The following LONRF3 variants were observed in gnomAD, a reference collection of about 807,000 sequenced individuals.
The protein encoded by LONRF3 is LON peptidase N-terminal domain and RING finger protein 3.
A neutral mutation model predicts 51.7 loss-of-function variants in LONRF3; 19 were observed. The observed-to-expected ratio is 0.37, with a 90% CI of 0.26 to 0.54. The LOEUF (loss-of-function observed/expected upper bound fraction) is 0.54. LONRF3 is among the 20% of genes least tolerant of loss of function. LONRF3 has a pLI of 0.86. For synonymous variants in LONRF3, 265 were observed against 257.8 expected (o/e 1.03, Z -0.27); for missense variants, 521 against 623.9 (o/e 0.84, Z 1.76).
intron 10 of LONRF3, among the ~76,000 whole-genome samples, chrX:119,015,926 C>A (rs1334971277): frequency 1.8e-5 from 2 of 112,289 alleles, no homozygotes; most frequent in Non-Finnish European, 3.8e-5. Context: ...TTAATACCAG[C>A]TTAAATATCT....
rs1921871085 is a variant in LONRF3, at chrX:118,975,014, G to A, written c.234G>A (p.Ala78=). ...TGCTCACGCAGGCAGACGCCTTGGC[G>A]TCCCGGGGGCGAATCCGTGAAGCCC... The part of the protein sequence containing the change: ...KVLLTQADAL[A]SRGRIREALE... Residue 78 remains alanine, a synonymous_variant, in exon 1 of 11, where the codon GCG becomes GCA. Coordinates refer to ENST00000371628, the MANE Select transcript of LONRF3 (RefSeq NM_001031855.3). 1 of 1,172,597 alleles carries A rather than the reference G, an allele frequency of 8.5e-7. No homozygotes were observed. The highest frequency in any genetic ancestry group is 3.2e-5 in the East Asian group (1 of 31,164).
intron 2 of LONRF3, among the ~76,000 whole-genome samples, chrX:118,981,227 G>A (rs964926934): frequency 1.8e-5 from 2 of 110,642 alleles, no homozygotes; most frequent in Admixed American, 9.6e-5. Flanking sequence ...GCTTACTCCT[G>A]TAATCCCAGC....
intron 5 of LONRF3, among the ~76,000 whole-genome samples, chrX:118,998,690 T>A (rs968937139): frequency 1.2e-4 from 13 of 112,782 alleles, no homozygotes; most frequent in Non-Finnish European, 1.9e-4. Flanking sequence ...ATTTCATTTT[T>A]AAAAATAAAG....
At chrX:119,006,273 T>C in intron 6 of LONRF3, 38 bp downstream of exon 6, 1 of 995,293 alleles carries the variant, frequency 1.0e-6, no homozygotes, top group Non-Finnish European at 1.4e-6. Flanking sequence ...TTTAAATCAG[T>C]ATTTCTTTCT....
rs373593893 is a variant in LONRF3, at chrX:119,012,015, A to G, written c.1811+42A>G. The G allele has an allele frequency of 5.1e-5, 61 of 1,192,276 alleles. No individual in the cohort carries two copies. The African/African-American group carries it at 9.5e-4, about 19-fold the overall frequency. On this transcript the variant is annotated intron_variant, in intron 8 of 10. Coordinates refer to ENST00000371628, the MANE Select transcript of LONRF3 (RefSeq NM_001031855.3). ...GCGAGCAAAGGGAGGTTGTGTAATG[A>G]GGGATTTCTGTTTTACTTTGGGGTA...
intron 1 of LONRF3, among the ~76,000 whole-genome samples, chrX:118,977,210 A>G (rs1262625672): frequency 9.0e-6 from 1 of 110,845 alleles, no homozygotes; most frequent in African/African-American, 3.3e-5. Context: ...AGAGGAAGCT[A>G]GATCCCAGAT....
In LONRF3 at chrX:118,990,503, TCA is replaced by T; in HGVS notation, c.1359_1360del (p.Ser454PhefsTer10). ...ACTGATCAGGGGGACAAACCTGCTCTCAGTTTACCACTTGCATCTTTCGACGC... is the reference window on the plus strand; with the variant it reads ...ACTGATCAGGGGGACAAACCTGCTCTGTTTACCACTTGCATCTTTCGACGC... On this transcript the variant is annotated frameshift_variant, in exon 5 of 11. Transcript: ENST00000371628. LOFTEE classifies it high-confidence loss of function. The T allele has an allele frequency of 8.3e-7, 1 of 1,211,489 alleles. No homozygotes were observed. The highest frequency in any genetic ancestry group is 1.1e-6 in the Non-Finnish European group (1 of 894,991).
intron 1 of LONRF3, among the ~76,000 whole-genome samples, chrX:118,976,060 C>T (rs771147133): frequency 1.8e-5 from 2 of 113,029 alleles, no homozygotes; most frequent in East Asian, 5.7e-4. Context: ...GAACTTCGCG[C>T]GCTCCTCGCA....
At position 118,989,504 on chromosome X, in the gene LONRF3, G is replaced by T. The variant is rs1049817568; in HGVS notation, c.1156G>T (p.Gly386Cys). 9.1e-6 allele frequency: 11 copies of T among 1,211,588 alleles called. No individual in the cohort carries two copies. Among genetic ancestry groups the T allele is most frequent in the Non-Finnish European group, 1.0e-5 (9 of 895,459 alleles). ...GGACCCAGCTAAAGTGAAGGGGGAT[G>T]GTCAGCAGCACCACATGAAAGACCA... ...LMDPAKVKGD[G>C]QQHHMKDQEE... Residue 386 changes from glycine (G) to cysteine (C), a missense_variant, in exon 4 of 11, where the codon GGT becomes TGT. Transcript: ENST00000371628.
intron 8 of LONRF3, chrX:119,012,801 A>T: frequency 2.5e-6 from 2 of 812,027 alleles, no homozygotes; most frequent in Non-Finnish European, 1.7e-6. Flanking sequence ...AAACCATAGC[A>T]CTGGCACAGC....
At chrX:118,996,616 C>T (rs1310561475) in intron 5 of LONRF3, among the ~76,000 whole-genome samples, 1 of 111,186 alleles carries the variant, frequency 9.0e-6, no homozygotes, top group Admixed American at 9.5e-5. Context: ...GTCAAAAGAC[C>T]TCTACAAGAA....
chrX:118,987,112 C>T lies in LONRF3; in HGVS notation c.1060-2296C>T, dbSNP rs542637607. On this transcript the variant is annotated intron_variant, in intron 3 of 10. Transcript: ENST00000371628. ...CTCAACTCACCCAGCTCGCTCGTGA[C>T]GCTTCGTTTGGCTGTTTTGTGGGCA... The T allele has an allele frequency of 7.1e-5, 80 of 1,121,645 alleles. No individual in the cohort carries two copies. In the Middle Eastern group the frequency reaches 9.5e-4, roughly 13 times the overall value. The allele number at this position is 1,121,645 out of a possible 1,213,427, so 92.4% of individuals were successfully genotyped here.
At chrX:118,977,110 T>G (rs1217960605) in intron 1 of LONRF3, among the ~76,000 whole-genome samples, 2 of 110,891 alleles carry the variant, frequency 1.8e-5, no homozygotes, top group Non-Finnish European at 3.8e-5. Context: ...ACTAAACAAT[T>G]TGCTAATGTC....
chrX:118,990,722 C>T (rs867074213), intron 5 of LONRF3, among the ~76,000 whole-genome samples, 162 bp downstream of exon 5: 11 of 111,841 alleles, frequency 9.8e-5, no homozygotes, highest in Admixed American at 2.8e-4. Flanking sequence ...AGCTTGTGTC[C>T]CCTTCCCAGA....
chrX:118,981,729 GT>G (rs1922574890), intron 2 of LONRF3, among the ~76,000 whole-genome samples: 1 of 111,584 alleles, frequency 9.0e-6, no homozygotes, highest in African/African-American at 3.3e-5. Flanking sequence ...TCTTCAAGAG[GT>G]TTGGAGCAGG....
Position 118,975,126 on chromosome X carries a change from C to T in LONRF3, c.346C>T (p.Pro116Ser), listed in dbSNP as rs1380013272. 2 of 1,169,643 alleles carry T rather than the reference C, an allele frequency of 1.7e-6. No homozygotes were observed. Among genetic ancestry groups the T allele is most frequent in the South Asian group, 3.8e-5 (2 of 53,001 alleles). Residue 116 changes from proline to serine, a missense_variant, in exon 1 of 11, where the codon CCG (proline) becomes TCG (serine). Around this residue, in one of 2 missense-constraint regions of LONRF3, gnomAD observed 376 missense variants for 376.7 expected, o/e 1.00. Transcript: ENST00000371628. The part of the protein sequence containing the change: ...QLVRCLAEKV[P>S]QGEALAPAPP... ...GGTGCGCTGCCTGGCGGAGAAAGTC[C>T]CGCAAGGCGAGGCGCTGGCGCCGGC...
intron 3 of LONRF3, chrX:118,986,944 C>T (rs1175403912): frequency 2.5e-5 from 29 of 1,151,985 alleles, no homozygotes; most frequent in Non-Finnish European, 2.9e-5. Flanking sequence ...AGTTTCTTTT[C>T]ACCATCAGTC....
intron 5 of LONRF3, among the ~76,000 whole-genome samples, chrX:118,990,968 G>A (rs888800917): frequency 2.7e-5 from 3 of 111,078 alleles, no homozygotes; most frequent in Non-Finnish European, 5.7e-5. Flanking sequence ...AGCGATTCAC[G>A]TGCCTCAGCC....
chrX:118,986,110 C>CTAGT (rs1384667111), intron 3 of LONRF3, among the ~76,000 whole-genome samples: 1 of 106,606 alleles, frequency 9.4e-6, no homozygotes, highest in Non-Finnish European at 1.9e-5. Flanking sequence ...ACAATCCTTG[C>CTAGT]TAGTACAGGG....
Sources: gnomAD v4.1 joint callset for allele counts (sites outside exome capture counted in the v4.1 genomes callset) on GRCh38, gnomAD v4.1.1 for gene constraint, gnomAD v4.1.1 regional missense constraint, MANE v1.5 for transcripts, NCBI Gene and HGNC (gene_info 2026-07-23, HGNC 2026-07-21) for gene names.